The following ADCY8 variants were observed in gnomAD, a reference collection of about 807,000 sequenced individuals.
ADCY8 encodes adenylate cyclase 8, also known as adenylate cyclase type 8.
ADCY8 carries 51 observed loss-of-function variants against 119.7 expected under a neutral mutation model. That is an observed-to-expected ratio of 0.43 (90% CI 0.34 to 0.54). The LOEUF (loss-of-function observed/expected upper bound fraction) is 0.54, where lower values mean the gene tolerates loss of function less well. Ranked by LOEUF, ADCY8 falls within the 20% of genes least tolerant of loss-of-function variation. ADCY8 has a pLI of 0.03. For missense variants in ADCY8, 1,383 were observed against 1,598.8 expected (o/e 0.87, Z 2.30); for synonymous variants, 665 against 651.0 (o/e 1.02, Z -0.33).
chr8:130,860,247 T>C (rs2130362906), intron 9 of ADCY8, among the ~76,000 whole-genome samples: 1 of 152,322 alleles, frequency 6.6e-6, no homozygotes, highest in South Asian at 2.1e-4. Context: ...TTTAAAAAAT[T>C]GGGTTGTTTT....
At chr8:130,802,926 A>G (rs886244317) in intron 14 of ADCY8, among the ~76,000 whole-genome samples, 1 of 152,196 alleles carries the variant, frequency 6.6e-6, no homozygotes, top group African/African-American at 2.4e-5. Context: ...ACTTTGAGGC[A>G]TGCTCTCACA....
chr8:130,916,936 C>T (rs1586568607), intron 5 of ADCY8, among the ~76,000 whole-genome samples: 1 of 152,154 alleles, frequency 6.6e-6, no homozygotes, highest in Non-Finnish European at 1.5e-5. Flanking sequence ...TCTTTAATTC[C>T]TCTAGCACCA....
At chr8:131,014,715 C>T (rs576471527) in intron 1 of ADCY8, among the ~76,000 whole-genome samples, 3 of 152,258 alleles carry the variant, frequency 2.0e-5, no homozygotes, top group African/African-American at 4.8e-5. Flanking sequence ...CTACTTACCC[C>T]CTCTAAACTT....
chr8:130,879,606 A>T (rs981191825), intron 8 of ADCY8, among the ~76,000 whole-genome samples: 9 of 152,208 alleles, frequency 5.9e-5, no homozygotes, highest in African/African-American at 2.2e-4. Context: ...TTTATCCTAA[A>T]AATAAATAAG....
chr8:131,016,292 G>A (rs1357200029), intron 1 of ADCY8, among the ~76,000 whole-genome samples: 1 of 152,102 alleles, frequency 6.6e-6, no homozygotes, highest in Non-Finnish European at 1.5e-5. Context: ...GGGAGGCCAA[G>A]AAAAAGGATC....
At chr8:130,831,122 C>A (rs1437489128) in intron 12 of ADCY8, among the ~76,000 whole-genome samples, 1 of 152,078 alleles carries the variant, frequency 6.6e-6, no homozygotes. Context: ...GGTTGAGGAG[C>A]ACATATTATA....
chr8:130,983,528 G>C (rs758059569), intron 2 of ADCY8, among the ~76,000 whole-genome samples: 1 of 152,174 alleles, frequency 6.6e-6, no homozygotes, highest in Non-Finnish European at 1.5e-5. Context: ...AGGCATAGAC[G>C]TGCGGGGCAT....
At chr8:130,962,053 G>A (rs760973732) in intron 2 of ADCY8, among the ~76,000 whole-genome samples, 7 of 152,136 alleles carry the variant, frequency 4.6e-5, no homozygotes, top group Non-Finnish European at 1.0e-4. Flanking sequence ...GCTTTCATGG[G>A]ACACTTTGAA....
chr8:131,040,128 G>C lies in ADCY8; in HGVS notation c.206C>G (p.Ser69Trp), dbSNP rs1180070083. The change falls in exon 1 of 18, where the codon TCG becomes TGG. Residue 69 changes from serine (S) to tryptophan (W), a missense_variant. Ser to Trp is a radical substitution (Grantham distance 177, BLOSUM62 -3). Coordinates refer to ENST00000286355, the MANE Select transcript of ADCY8 (RefSeq NM_001115.3). ...GSGSGGSGKA[S>W]DPAGGGPNHH... ...GTTGGGGCCGCCGCCCGCAGGGTCCGAGGCTTTGCCCGAGCCTCCACTCCC... is the reference window on the plus strand; with the variant it reads ...GTTGGGGCCGCCGCCCGCAGGGTCCCAGGCTTTGCCCGAGCCTCCACTCCC... 1 of 1,531,846 alleles carries C rather than the reference G, an allele frequency of 6.5e-7. No homozygotes were observed. Among genetic ancestry groups the C allele is most frequent in the Non-Finnish European group, 8.7e-7 (1 of 1,145,210 alleles). The allele number at this position is 1,531,846 out of a possible 1,614,324, so 94.9% of individuals were successfully genotyped here.
At chr8:130,942,969 C>T (rs548774368) in intron 4 of ADCY8, among the ~76,000 whole-genome samples, 1 of 152,300 alleles carries the variant, frequency 6.6e-6, no homozygotes, top group African/African-American at 2.4e-5. Context: ...TAATTCATCC[C>T]AGATGGCCAG....
chr8:130,972,597 T>C (rs1821955626), intron 2 of ADCY8, among the ~76,000 whole-genome samples: 1 of 152,214 alleles, frequency 6.6e-6, no homozygotes, highest in South Asian at 2.1e-4. Context: ...TCTTAAATGA[T>C]CAAGGCAACC....
intron 1 of ADCY8, among the ~76,000 whole-genome samples, chr8:131,038,748 C>A (rs918171333): frequency 6.6e-6 from 1 of 152,102 alleles, no homozygotes; most frequent in African/African-American, 2.4e-5. Context: ...GGGGTCGCAT[C>A]GTGTCATGAG....
intron 1 of ADCY8, among the ~76,000 whole-genome samples, chr8:131,031,155 C>T (rs1823984969): frequency 6.6e-6 from 1 of 151,634 alleles, no homozygotes; most frequent in African/African-American, 2.4e-5. Flanking sequence ...ATATAGATCA[C>T]TATATAGGAA....
At chr8:130,976,987 C>T (rs1445221761) in intron 2 of ADCY8, among the ~76,000 whole-genome samples, 1 of 152,146 alleles carries the variant, frequency 6.6e-6, no homozygotes, top group Admixed American at 6.5e-5. Context: ...CCTGTCCCAT[C>T]GCGCAGGACA....
chr8:131,009,682 C>A (rs1823238723), intron 1 of ADCY8, among the ~76,000 whole-genome samples: 1 of 152,214 alleles, frequency 6.6e-6, no homozygotes. Context: ...ACTAACTATA[C>A]TATGCTGTAA....
intron 1 of ADCY8, among the ~76,000 whole-genome samples, chr8:131,038,082 AG>A (rs1824218952): frequency 1.3e-5 from 2 of 152,190 alleles, no homozygotes; most frequent in Non-Finnish European, 1.5e-5. Flanking sequence ...ACCTGAGCAA[AG>A]GAATATAGAA....
chr8:130,943,168 G>A (rs556002076), intron 4 of ADCY8, 183 bp downstream of exon 4: 2 of 490,390 alleles, frequency 4.1e-6, no homozygotes, highest in East Asian at 3.1e-5. Context: ...CAAACCTCCT[G>A]CATGAGACCT....
intron 5 of ADCY8, among the ~76,000 whole-genome samples, chr8:130,921,581 G>C (rs1820309964): frequency 6.6e-6 from 1 of 151,108 alleles, no homozygotes; most frequent in South Asian, 2.1e-4. Flanking sequence ...AGCCTCCCTA[G>C]TAGCTGGGAT....
chr8:130,902,071 A>C (rs112488145), intron 7 of ADCY8, among the ~76,000 whole-genome samples: 11,475 of 152,280 alleles, frequency 0.075, 484 homozygotes, highest in Non-Finnish European at 0.1. Flanking sequence ...TGTACAATAC[A>C]GATTAGAACA....
Sources: gnomAD v4.1 joint callset for allele counts (sites outside exome capture counted in the v4.1 genomes callset) on GRCh38, gnomAD v4.1.1 for gene constraint, MANE v1.5 for transcripts, NCBI Gene and HGNC (gene_info 2026-07-23, HGNC 2026-07-21) for gene names.